Variants in IL34 observed in about 807,000 individuals in gnomAD.
IL34 encodes interleukin 34.
A neutral mutation model predicts 25.3 loss-of-function variants in IL34; 17 were observed. The observed-to-expected ratio is 0.67, with a 90% confidence interval of 0.46 to 1.01. The LOEUF is 1.01. IL34 is among the 50% of genes least tolerant of loss of function. The pLI, the probability that IL34 is intolerant of heterozygous loss-of-function variation, is 0.00. For synonymous variants in IL34, 174 were observed against 140.9 expected (o/e 1.23, Z -1.66); for missense variants, 368 against 312.9 (o/e 1.18, Z -1.33).
intron 1 of IL34, among the ~76,000 whole-genome samples, chr16:70,649,822 G>A (rs538121689): frequency 9.3e-4 from 107 of 115,430 alleles, no homozygotes; most frequent in Non-Finnish European, 1.5e-3. Context: ...TTTTTGAGAC[G>A]GAGTCTCACT....
At chr16:70,631,608 G>T (rs2051519587) in intron 1 of IL34, among the ~76,000 whole-genome samples, 1 of 151,884 alleles carries the variant, frequency 6.6e-6, no homozygotes, top group Non-Finnish European at 1.5e-5. Context: ...ACTAAACTTG[G>T]GACTCACTTC....
chr16:70,656,159 A>G (rs80150997), intron 2 of IL34, among the ~76,000 whole-genome samples: 2,525 of 152,272 alleles, frequency 0.017, 26 homozygotes, highest in Middle Eastern at 0.037. Context: ...TTTTTATCCC[A>G]GCTGGGAGCC....
At chr16:70,652,645 C>T (rs2052109391) in intron 1 of IL34, among the ~76,000 whole-genome samples, 1 of 152,142 alleles carries the variant, frequency 6.6e-6, no homozygotes, top group South Asian at 2.1e-4. Flanking sequence ...TAGGCCATTT[C>T]CAGATTTTCA....
At chr16:70,614,219 C>CT in intron 1 of IL34, among the ~76,000 whole-genome samples, 1 of 151,590 alleles carries the variant, frequency 6.6e-6, no homozygotes, top group East Asian at 1.9e-4. Context: ...ATCCCAGGCC[C>CT]TACCCCAGAC....
Position 70,622,469 on chromosome 16 carries a change from A to G in IL34, c.-400-24079A>G, listed in dbSNP as rs1045356775. Among the ~76,000 whole-genome samples, 25 of 57,738 alleles carry G rather than the reference A, an allele frequency of 4.3e-4. No homozygotes were observed. In the East Asian group the frequency reaches 0.013, roughly 31 times the overall value. The allele number at this position is 57,738 out of a possible 152,430, so 37.9% of individuals were successfully genotyped here. A position where few individuals can be genotyped will look rare whatever the true frequency, so the allele number is the denominator to read the frequency against. On this transcript the variant is annotated intron_variant, in intron 1 of 6. Transcript: ENST00000429149. ...GATGGAAAGGAAATGAGAGGTTCTG[A>G]GAGGCGGGCTAGTGGCTTGTACTAT...
intron 1 of IL34, among the ~76,000 whole-genome samples, chr16:70,613,521 G>A (rs942850943): frequency 2.0e-5 from 3 of 152,138 alleles, no homozygotes; most frequent in African/African-American, 4.8e-5. Context: ...CCGGAACCTT[G>A]GTACTCAAAG....
chr16:70,619,958 A>G lies in IL34; in HGVS notation c.-400-26590A>G, dbSNP rs183134091. Among the ~76,000 whole-genome samples, 519 of 152,172 alleles carry G rather than the reference A, an allele frequency of 3.4e-3. 2 individuals are homozygous for G. Among genetic ancestry groups the G allele is most frequent in the African/African-American group, 0.012 (493 of 41,512 alleles). On this transcript the variant is annotated intron_variant, in intron 1 of 6. Coordinates refer to the IL34 transcript ENST00000429149. ...TCCTGTGGGAGGAGGTTCTGGAGGA[A>G]CGCCTGGCCGCTGCGGTTCAGGAGT...
In IL34 at chr16:70,657,151, G is replaced by T. The variant is rs1436355771; in HGVS notation, c.402+30G>T. ...GTTGTGTGGAGGAGTGGCAGGTGGG[G>T]TGTGTGTGTGTGCACACGTGTGTAC... On this transcript the variant is annotated intron_variant, in intron 4 of 5. Coordinates refer to ENST00000288098, the MANE Select transcript of IL34 (RefSeq NM_001393494.1). 36 of 1,581,898 alleles carry T rather than the reference G, an allele frequency of 2.3e-5. No homozygotes were observed. The East Asian group carries it at 8.2e-4, about 36-fold the overall frequency.
chr16:70,618,156 G>A (rs1206242657), intron 1 of IL34, among the ~76,000 whole-genome samples: 2 of 152,222 alleles, frequency 1.3e-5, no homozygotes, highest in African/African-American at 2.4e-5. Context: ...TCTAGGAGGC[G>A]GGCTAGTGGC....
At chr16:70,634,444 C>G (rs897148100) in intron 1 of IL34, among the ~76,000 whole-genome samples, 2 of 151,990 alleles carry the variant, frequency 1.3e-5, no homozygotes, top group African/African-American at 4.8e-5. Context: ...CTTTGCGAGG[C>G]CAAGGCAGGC....
At chr16:70,603,136 C>A (rs978245604) in intron 1 of IL34, among the ~76,000 whole-genome samples, 1 of 151,900 alleles carries the variant, frequency 6.6e-6, no homozygotes, top group Admixed American at 6.6e-5. Context: ...AAAAAAAAGA[C>A]AAAAAAATCA....
intron 1 of IL34, among the ~76,000 whole-genome samples, chr16:70,616,830 G>A (rs1032595991): frequency 1.3e-5 from 2 of 151,990 alleles, no homozygotes; most frequent in Middle Eastern, 3.4e-3. Flanking sequence ...TTCTTTTGTG[G>A]ATCTTCAGTT....
Position 70,646,876 on chromosome 16 carries a change from C to A in IL34, c.-72C>A. ...CTCTGCTGCCCCGAGGCCATGTAGG[C>A]CGTGCTTAGGCCTCTGTGGACACAC... On this transcript the variant is annotated 5_prime_UTR_variant, in exon 1 of 6. Coordinates refer to ENST00000288098, the MANE Select transcript of IL34 (RefSeq NM_001393494.1). 2 of 1,401,086 alleles carry A rather than the reference C, an allele frequency of 1.4e-6. No individual in the cohort carries two copies. Among genetic ancestry groups the A allele is most frequent in the Non-Finnish European group, 1.9e-6 (2 of 1,062,046 alleles). 86.8% of individuals were successfully genotyped at this position (1,401,086 alleles called of 1,614,324 possible).
At chr16:70,642,642 C>G (rs1014839605), upstream of IL34, among the ~76,000 whole-genome samples, 12 of 152,136 alleles carry the variant, frequency 7.9e-5, no homozygotes, top group Admixed American at 3.9e-4. Flanking sequence ...AGGACCCCAT[C>G]CTTGTGACCT....
upstream of IL34, among the ~76,000 whole-genome samples, chr16:70,646,010 G>A (rs369298920): frequency 9.9e-5 from 15 of 152,116 alleles, no homozygotes; most frequent in East Asian, 7.7e-4. Flanking sequence ...CCAAAATCAC[G>A]CCACTGCACT....
intron 1 of IL34, among the ~76,000 whole-genome samples, chr16:70,640,860 C>T (rs977511207): frequency 1.3e-5 from 2 of 152,144 alleles, no homozygotes; most frequent in Non-Finnish European, 2.9e-5. Flanking sequence ...CTTCCCCACT[C>T]CCCATTTTGG....
intron 1 of IL34, among the ~76,000 whole-genome samples, chr16:70,621,978 C>A (rs2051292723): frequency 6.6e-6 from 1 of 151,944 alleles, no homozygotes; most frequent in Non-Finnish European, 1.5e-5. Flanking sequence ...TTTTGTGATT[C>A]TTCAGTTACT....
intron 1 of IL34, among the ~76,000 whole-genome samples, chr16:70,606,557 C>A (rs2051007880): frequency 6.6e-6 from 1 of 152,142 alleles, no homozygotes; most frequent in Non-Finnish European, 1.5e-5. Flanking sequence ...AACCACTGAT[C>A]TGTCTTCTGT....
chr16:70,619,595 G>A (rs34696460), intron 1 of IL34, among the ~76,000 whole-genome samples: 1 of 151,528 alleles, frequency 6.6e-6, no homozygotes, highest in Admixed American at 6.6e-5. Context: ...TTGAAAAGAA[G>A]GTAATGTGGA....
Sources: gnomAD v4.1 joint callset for allele counts (sites outside exome capture counted in the v4.1 genomes callset) on GRCh38, gnomAD v4.1.1 for gene constraint, MANE v1.5 for transcripts, NCBI Gene and HGNC (gene_info 2026-07-23, HGNC 2026-07-21) for gene names.